The following CCDC141 variants were observed in gnomAD, a reference collection of about 807,000 sequenced individuals.
CCDC141 encodes coiled-coil domain containing 141.
A neutral mutation model predicts 181.0 loss-of-function variants in CCDC141; 168 were observed. The observed-to-expected ratio is 0.93, with a 90% CI of 0.82 to 1.05. CCDC141 has a LOEUF of 1.05. Ranked by LOEUF, CCDC141 falls within the 50% of genes least tolerant of loss-of-function variation. The probability of loss-of-function intolerance (pLI) is 0.00; values close to 1 mark genes in which losing one functional copy is unlikely to be tolerated. For synonymous variants in CCDC141, 666 were observed against 642.3 expected (o/e 1.04, Z -0.56); for missense variants, 1,902 against 1,788.5 (o/e 1.06, Z -1.14).
chr2:178,993,007 AT>A (rs1192026415), intron 2 of CCDC141, among the ~76,000 whole-genome samples: 2 of 152,188 alleles, frequency 1.3e-5, no homozygotes, highest in Non-Finnish European at 2.9e-5. Context: ...CTGTGAGTCA[AT>A]TAAACCTCTT....
chr2:178,994,382 C>T (rs1022896098), intron 2 of CCDC141, among the ~76,000 whole-genome samples: 5 of 152,234 alleles, frequency 3.3e-5, no homozygotes, highest in Non-Finnish European at 7.3e-5. Context: ...TTTGCACCTT[C>T]TGAAGCTACA....
At chr2:178,946,087 G>T (rs1689721550) in intron 5 of CCDC141, among the ~76,000 whole-genome samples, 1 of 152,100 alleles carries the variant, frequency 6.6e-6, no homozygotes, top group Non-Finnish European at 1.5e-5. Context: ...TTAGTGCAAA[G>T]AAAATAATAC....
At chr2:178,822,546 T>C in the CCDC141 span, among the ~76,000 whole-genome samples, 1 of 152,096 alleles carries the variant, frequency 6.6e-6, no homozygotes, top group African/African-American at 2.4e-5. Context: ...AATACAAGAT[T>C]GAGAATGGGC....
chr2:178,906,158 T>C (rs1430210808), intron 7 of CCDC141, among the ~76,000 whole-genome samples: 3 of 152,228 alleles, frequency 2.0e-5, no homozygotes, highest in Admixed American at 6.5e-5. Context: ...ATAAAAAACA[T>C]AGCCTTGCAA....
In CCDC141 at chr2:178,905,405, G is replaced by T; in HGVS notation, c.1189C>A (p.His397Asn). ...AVLAVRHEEL[H>N]RKIKDCTTDA... ...GTTGTGCAGTCTTTAATTTTTCTGT[G>T]TAATTCCTCATGCCTCACTGCCAAA... is the stretch of plus-strand genomic sequence containing the variant. Residue 397 changes from histidine (H) to asparagine (N), a missense_variant, in exon 8 of 24, where the codon CAC (histidine) becomes AAC (asparagine). Coordinates refer to ENST00000443758, the MANE Select transcript of CCDC141 (RefSeq NM_173648.4). 1 of 1,550,832 alleles carries T rather than the reference G, an allele frequency of 6.4e-7. No individual in the cohort carries two copies. Among genetic ancestry groups the T allele is most frequent in the Non-Finnish European group, 8.7e-7 (1 of 1,146,990 alleles).
At chr2:178,887,803 C>T (rs951655006) in intron 9 of CCDC141, among the ~76,000 whole-genome samples, 6 of 152,204 alleles carry the variant, frequency 3.9e-5, no homozygotes, top group African/African-American at 9.7e-5. Context: ...CCGTATCAAA[C>T]GAAAACATCA....
Position 178,918,698 on chromosome 2 carries a change from T to A in CCDC141, c.1092+15A>T. On this transcript the variant is annotated intron_variant, in intron 7 of 23. Transcript: ENST00000443758. Reference sequence around the variant, plus strand: ...GCCTGATTACCGAAAATTATCAACTTGACCTCACACTGACCTTGTTAGCAC... The same window carrying A: ...GCCTGATTACCGAAAATTATCAACTAGACCTCACACTGACCTTGTTAGCAC... The A allele has an allele frequency of 6.5e-7, 1 of 1,545,030 alleles. No individual in the cohort carries two copies. Among genetic ancestry groups the A allele is most frequent in the Non-Finnish European group, 8.7e-7 (1 of 1,143,014 alleles).
intron 5 of CCDC141, among the ~76,000 whole-genome samples, chr2:178,955,694 A>C (rs552140482): frequency 6.6e-6 from 1 of 152,220 alleles, no homozygotes; most frequent in African/African-American, 2.4e-5. Flanking sequence ...ACGCTTGGAT[A>C]AAAGTCTAGA....
intron 11 of CCDC141, among the ~76,000 whole-genome samples, chr2:178,881,911 TCTCTCACACACA>T (rs1257484866): frequency 5.6e-5 from 6 of 107,244 alleles, no homozygotes; most frequent in African/African-American, 1.1e-4. Flanking sequence ...TCTCTCTCTC[TCTCTCACACACA>T]CACACACACA....
At chr2:178,877,931 C>A (rs1470197470) in intron 12 of CCDC141, 33 bp downstream of exon 12, 1 of 1,571,412 alleles carries the variant, frequency 6.4e-7, no homozygotes, top group Non-Finnish European at 8.8e-7. Context: ...AGTATCCCTG[C>A]AGAAGGTGTG....
chr2:178,938,165 T>C (rs1039213107), intron 6 of CCDC141, among the ~76,000 whole-genome samples: 2 of 152,140 alleles, frequency 1.3e-5, no homozygotes, highest in Non-Finnish European at 2.9e-5. Flanking sequence ...GTTGTTAGTT[T>C]GAGATCATTC....
intron 6 of CCDC141, among the ~76,000 whole-genome samples, chr2:178,934,681 A>G (rs1266878143): frequency 6.6e-6 from 1 of 152,194 alleles, no homozygotes; most frequent in Non-Finnish European, 1.5e-5. Context: ...TTCCAGTAAG[A>G]AATGATAGAG....
chr2:178,961,419 T>C lies in CCDC141; in HGVS notation c.591A>G (p.Lys197=), dbSNP rs1466391756. ...TCACATTAGGTCCTTCACACTTGAA[T>C]TTTTCTATGAAGTCAGTGAGTTGTT... ...KSQQLTDFIE[K]FKCEGPNVNP... Residue 197 remains lysine (K), a synonymous_variant, in exon 5 of 24, where the codon AAA becomes AAG. Transcript: ENST00000443758. 2 of 1,550,362 alleles carry C rather than the reference T, an allele frequency of 1.3e-6. No individual in the cohort carries two copies. Among genetic ancestry groups the C allele is most frequent in the African/African-American group, 2.7e-5 (2 of 73,030 alleles).
chr2:178,851,390 T>A (rs1185137647), intron 20 of CCDC141, among the ~76,000 whole-genome samples: 1 of 152,006 alleles, frequency 6.6e-6, no homozygotes, highest in Non-Finnish European at 1.5e-5. Flanking sequence ...TCCCAGTACG[T>A]CAGAATGTAA....
Position 178,855,404 on chromosome 2 carries a change from C to T in CCDC141, c.3003G>A (p.Val1001=), listed in dbSNP as rs1179674096. 6.2e-7 allele frequency: 1 copy of T among 1,612,252 alleles called. No individual in the cohort carries two copies. The highest frequency in any genetic ancestry group is 8.5e-7 in the Non-Finnish European group (1 of 1,179,380). ...GGTCCAAATTCTTCTTGTAATCTGT[C>T]ACAACTTTGTCAAAGTCATCCACAT... is the stretch of plus-strand genomic sequence containing the variant. The part of the protein sequence containing the change: ...QKHVDDFDKV[V]TDYKKNLDLT... The change falls in exon 19 of 24, where the codon GTG becomes GTA. Residue 1001 remains valine (V), a synonymous_variant. Transcript: ENST00000443758.
chr2:179,022,079 T>C (rs1320847827), intron 2 of CCDC141, among the ~76,000 whole-genome samples: 1 of 152,174 alleles, frequency 6.6e-6, no homozygotes, highest in Admixed American at 6.5e-5. Context: ...ATGAAGTAAA[T>C]AATGTAATTA....
chr2:178,906,175 A>G (rs1177902782), intron 7 of CCDC141, among the ~76,000 whole-genome samples: 2 of 152,212 alleles, frequency 1.3e-5, no homozygotes, highest in African/African-American at 2.4e-5. Flanking sequence ...GCAAACCAAG[A>G]TATTGTCTTG....
chr2:178,996,923 G>T (rs1288112280), intron 2 of CCDC141, among the ~76,000 whole-genome samples: 1 of 152,216 alleles, frequency 6.6e-6, no homozygotes, highest in Non-Finnish European at 1.5e-5. Flanking sequence ...GCTGGGATCA[G>T]AGGCCAGGTA....
chr2:178,990,238 A>T (rs889650829), intron 2 of CCDC141, among the ~76,000 whole-genome samples: 4 of 144,800 alleles, frequency 2.8e-5, no homozygotes, highest in Non-Finnish European at 4.7e-5. Flanking sequence ...TGATAATATA[A>T]AATGGTACAG....
Sources: gnomAD v4.1 joint callset for allele counts (sites outside exome capture counted in the v4.1 genomes callset) on GRCh38, gnomAD v4.1.1 for gene constraint, MANE v1.5 for transcripts, NCBI Gene and HGNC (gene_info 2026-07-23, HGNC 2026-07-21) for gene names.